The following GRM1 variants were observed in gnomAD, a reference collection of about 807,000 sequenced individuals.
GRM1 encodes the protein metabotropic glutamate receptor 1.
A neutral mutation model predicts 90.9 loss-of-function variants in GRM1; 33 were observed. The observed-to-expected ratio is 0.36, with a 90% CI of 0.28 to 0.49. GRM1 has a LOEUF of 0.49. Among genes scored for constraint, GRM1 ranks in the 20% least tolerant of loss-of-function variants. The pLI is 0.99. For synonymous variants in GRM1, 700 were observed against 613.2 expected (o/e 1.14, Z -2.09); for missense variants, 1,190 against 1,534.3 (o/e 0.78, Z 3.75).
At chr6:146,052,054 C>T (rs1775311996) in intron 1 of GRM1, among the ~76,000 whole-genome samples, 1 of 152,030 alleles carries the variant, frequency 6.6e-6, no homozygotes, top group African/African-American at 2.4e-5. Flanking sequence ...CTTATTACAA[C>T]TCCTTGTACA....
chr6:146,362,701 T>C (rs1167964216), intron 5 of GRM1, among the ~76,000 whole-genome samples: 1 of 150,552 alleles, frequency 6.6e-6, no homozygotes, highest in African/African-American at 2.4e-5. Flanking sequence ...TTTCATCTGA[T>C]TTTTTGGAAT....
rs552986343 is a variant in GRM1, at chr6:146,314,051, C to CTTTTTTTTTTTTT, written c.1186+9225_1186+9237dup. Among the ~76,000 whole-genome samples, 10 of 61,962 alleles carry CTTTTTTTTTTTTT rather than the reference C, an allele frequency of 1.6e-4. 2 individuals are homozygous for CTTTTTTTTTTTTT. The highest frequency in any genetic ancestry group is 1.3e-3 in the South Asian group (2 of 1,590). The allele number at this position is 61,962 out of a possible 152,430, so 40.6% of individuals were successfully genotyped here. On this transcript the variant is annotated intron_variant, in intron 3 of 7. Coordinates refer to ENST00000282753, the MANE Select transcript of GRM1 (RefSeq NM_001278064.2). Reference sequence around the variant, plus strand: ...CACTGTATATATCAATAGTTAATTCCTTTTTTTTTTTTTTTTTTTTTTTTT... The same window carrying CTTTTTTTTTTTTT: ...CACTGTATATATCAATAGTTAATTCCTTTTTTTTTTTTTTTTTTTTTTTTTTTTTTTTTTTTTT...
At chr6:146,209,363 T>A (rs1779602878) in intron 2 of GRM1, among the ~76,000 whole-genome samples, 1 of 152,146 alleles carries the variant, frequency 6.6e-6, no homozygotes. Flanking sequence ...TTTAAAGATC[T>A]GGGACATTTT....
intron 2 of GRM1, among the ~76,000 whole-genome samples, chr6:146,247,815 T>C (rs891740155): frequency 6.8e-6 from 1 of 147,396 alleles, no homozygotes; most frequent in Admixed American, 6.9e-5. Context: ...TATATATATA[T>C]ATATAAAATT....
chr6:146,309,799 T>C (rs751706286), intron 3 of GRM1, among the ~76,000 whole-genome samples: 64 of 152,226 alleles, frequency 4.2e-4, no homozygotes, highest in Non-Finnish European at 8.2e-4. Flanking sequence ...CTAAATATAA[T>C]TATTAGTAAT....
At chr6:146,259,307 G>A (rs1400381760) in intron 2 of GRM1, among the ~76,000 whole-genome samples, 1 of 152,004 alleles carries the variant, frequency 6.6e-6, no homozygotes, top group Non-Finnish European at 1.5e-5. Context: ...GTTTTTAATT[G>A]TGTAAGAATA....
At chr6:146,213,180 G>T (rs1779738343) in intron 2 of GRM1, among the ~76,000 whole-genome samples, 1 of 152,094 alleles carries the variant, frequency 6.6e-6, no homozygotes, top group Non-Finnish European at 1.5e-5. Flanking sequence ...AGGGCAGGAG[G>T]AGAGGAAGCA....
intron 7 of GRM1, among the ~76,000 whole-genome samples, chr6:146,415,894 TATTGA>T (rs1230110359): frequency 6.6e-6 from 1 of 152,186 alleles, no homozygotes; most frequent in Non-Finnish European, 1.5e-5. Context: ...TGGGAAAATA[TATTGA>T]ATTATCAAAT....
chr6:146,288,171 T>C (rs1214230622), intron 2 of GRM1, among the ~76,000 whole-genome samples: 1 of 152,182 alleles, frequency 6.6e-6, no homozygotes, highest in Non-Finnish European at 1.5e-5. Flanking sequence ...TGGCTGTTAA[T>C]GACCCTGTTA....
intron 2 of GRM1, among the ~76,000 whole-genome samples, chr6:146,206,960 A>G (rs1435770572): frequency 1.3e-5 from 2 of 152,176 alleles, no homozygotes; most frequent in Non-Finnish European, 2.9e-5. Flanking sequence ...AGCCCCATCC[A>G]TGTTCCCACA....
chr6:146,367,965 C>T (rs1226680643), intron 5 of GRM1, among the ~76,000 whole-genome samples: 3 of 152,026 alleles, frequency 2.0e-5, no homozygotes, highest in African/African-American at 7.2e-5. Flanking sequence ...GTAGTATAGA[C>T]ATTTAAACTA....
intron 2 of GRM1, among the ~76,000 whole-genome samples, chr6:146,270,912 T>TCTTTTCTTTCTTCCTTC (rs1782121052): frequency 1.2e-5 from 1 of 86,814 alleles, no homozygotes; most frequent in African/African-American, 5.7e-5. Flanking sequence ...TTTCTTTCTT[T>TCTTTTCTTTCTTCCTTC]CTTCCTTCCT....
At chr6:146,316,317 G>T (rs546546416) in intron 3 of GRM1, among the ~76,000 whole-genome samples, 2 of 152,158 alleles carry the variant, frequency 1.3e-5, no homozygotes, top group Non-Finnish European at 2.9e-5. Context: ...CCACTGTTAA[G>T]GATTCATGTG....
At position 146,405,702 on chromosome 6, in the gene GRM1, G is replaced by T. The variant is rs915558058; in HGVS notation, c.2660+6003G>T. Among the ~76,000 whole-genome samples, 5 of 144,524 alleles carry T rather than the reference G, an allele frequency of 3.5e-5. No individual in the cohort carries two copies. The South Asian group carries it at 6.4e-4, about 18-fold the overall frequency. The allele number at this position is 144,524 out of a possible 152,430, so 94.8% of individuals were successfully genotyped here. A position where few individuals can be genotyped will look rare whatever the true frequency, so the allele number is the denominator to read the frequency against. On this transcript the variant is annotated intron_variant, in intron 7 of 7. Transcript: ENST00000282753. ...CGAGACAGCTCTGTTGTGTTTTTTT[G>T]TTTGTTTGTTTGTTTGTTTTTTACA... is the stretch of plus-strand genomic sequence containing the variant.
chr6:146,132,585 T>C (rs1490257160), intron 1 of GRM1, among the ~76,000 whole-genome samples: 2 of 152,220 alleles, frequency 1.3e-5, no homozygotes, highest in East Asian at 3.9e-4. Context: ...TCCTCTTGTT[T>C]TGTTAACTGA....
chr6:146,354,175 G>C (rs1453136613), intron 4 of GRM1, among the ~76,000 whole-genome samples: 3 of 152,208 alleles, frequency 2.0e-5, no homozygotes, highest in African/African-American at 7.2e-5. Flanking sequence ...GATGGGAGCA[G>C]GTTTTGACTG....
intron 3 of GRM1, among the ~76,000 whole-genome samples, chr6:146,332,751 A>G (rs1389378453): frequency 6.6e-6 from 1 of 152,214 alleles, no homozygotes; most frequent in Non-Finnish European, 1.5e-5. Flanking sequence ...GCCCCCTGTT[A>G]AAAGCTATTA....
At chr6:146,382,551 A>G (rs1039869523) in intron 5 of GRM1, among the ~76,000 whole-genome samples, 1 of 152,168 alleles carries the variant, frequency 6.6e-6, no homozygotes, top group African/African-American at 2.4e-5. Flanking sequence ...GGTTTTATGT[A>G]GGAAAGATGA....
Position 146,318,051 on chromosome 6 carries a change from A to G in GRM1, c.1186+13205A>G, listed in dbSNP as rs139264554. On this transcript the variant is annotated intron_variant, in intron 3 of 7. Coordinates refer to ENST00000282753, the MANE Select transcript of GRM1 (RefSeq NM_001278064.2). ...GTTTTGGGATACATGTGCAGAATGC[A>G]CAGGTTTGTTACGTAGATATACATG... is the stretch of plus-strand genomic sequence containing the variant. Among the ~76,000 whole-genome samples the G allele has an allele frequency of 1.1e-3, 166 of 152,336 alleles. 3 individuals are homozygous for G. The East Asian group carries it at 0.028, about 26-fold the overall frequency.
Sources: allele counts gnomAD v4.1 joint callset (sites outside exome capture counted in the v4.1 genomes callset), GRCh38; gene constraint gnomAD v4.1.1; transcripts MANE v1.5; gene names NCBI Gene and HGNC (gene_info 2026-07-23, HGNC 2026-07-21).